Variants in MAP4K4 observed in about 807,000 individuals in gnomAD.
The protein encoded by MAP4K4 is HPK/GCK-like kinase HGK.
In MAP4K4, 38 loss-of-function variants were observed where a neutral mutation model predicts 189.6. The observed-to-expected ratio is 0.20, with a 90% confidence interval of 0.15 to 0.26. The LOEUF (loss-of-function observed/expected upper bound fraction) is 0.26, where lower values mean the gene tolerates loss of function less well. Ranked by LOEUF, MAP4K4 falls within the 10% of genes least tolerant of loss-of-function variation. MAP4K4 has a pLI of 1.00. For synonymous variants in MAP4K4, 610 were observed against 624.3 expected, an observed-to-expected ratio of 0.98 and a Z score of 0.34; for missense variants, 1,054 against 1,726.9, an observed-to-expected ratio of 0.61 and a Z score of 6.91.
chr2:101,790,822 C>T, intron 3 of MAP4K4, 46 bp downstream of exon 3: 2 of 1,427,936 alleles, frequency 1.4e-6, no homozygotes, highest in South Asian at 2.4e-5. Flanking sequence ...AGATGGAAGA[C>T]AAAGATTCCC....
chr2:101,703,914 G>A (rs2040490633), intron 2 of MAP4K4, among the ~76,000 whole-genome samples: 1 of 151,958 alleles, frequency 6.6e-6, no homozygotes, highest in South Asian at 2.1e-4. Context: ...AGGAGGCTGA[G>A]GCAGAAGAAT....
intron 11 of MAP4K4, 53 bp downstream of exon 11, chr2:101,842,734 A>C: frequency 6.9e-7 from 1 of 1,443,342 alleles, no homozygotes; most frequent in Non-Finnish European, 9.5e-7. Flanking sequence ...ATTAAGTTTT[A>C]TGTTGTGCCA....
chr2:101,811,198 C>T (rs2095398670), intron 3 of MAP4K4, among the ~76,000 whole-genome samples: 1 of 151,412 alleles, frequency 6.6e-6, no homozygotes, highest in African/African-American at 2.4e-5. Flanking sequence ...ATGGTGAAAC[C>T]CGGTCTCTAC....
intron 19 of MAP4K4, 119 bp downstream of exon 19, chr2:101,866,698 C>T: frequency 3.1e-6 from 4 of 1,283,496 alleles, no homozygotes; most frequent in South Asian, 1.5e-5. Flanking sequence ...AATGTTTTAG[C>T]ATAGGTTGCT....
intron 3 of MAP4K4, among the ~76,000 whole-genome samples, chr2:101,808,405 G>A (rs1247358140): frequency 2.0e-5 from 3 of 152,162 alleles, no homozygotes; most frequent in African/African-American, 7.2e-5. Flanking sequence ...GTCGTGCTGG[G>A]TGGTGAATGT....
chr2:101,805,972 G>T (rs1447934192), intron 3 of MAP4K4, among the ~76,000 whole-genome samples: 3 of 152,064 alleles, frequency 2.0e-5, no homozygotes, highest in Non-Finnish European at 4.4e-5. Flanking sequence ...CCTTAAGATG[G>T]TGTAGGTTTG....
chr2:101,860,913 C>T, exon 16 of MAP4K4: 1 of 1,607,632 alleles, frequency 6.2e-7, no homozygotes, highest in Non-Finnish European at 8.5e-7. Flanking sequence ...CCAGTGCCTT[C>T]CCGATCAGAG....
chr2:101,834,214 C>T (rs1018031823), intron 7 of MAP4K4, among the ~76,000 whole-genome samples, 195 bp from the exon 8 acceptor site: 39 of 137,732 alleles, frequency 2.8e-4, no homozygotes, highest in African/African-American at 1.0e-3. Flanking sequence ...CCCTCCATCC[C>T]TCCATCCCTC....
In MAP4K4 at chr2:101,698,968, A is replaced by G. The variant is rs571734190; in HGVS notation, c.123+430A>G. ...AAATTGTCATCATGTTTCAGCCTCC[A>G]CTCAGTGCTTGCCAGTTGCTCAAGG... On this transcript the variant is annotated intron_variant, in intron 2 of 32. Coordinates refer to ENST00000324219, the Ensembl canonical transcript of MAP4K4. 3.2e-4 allele frequency among the ~76,000 whole-genome samples: 49 copies of G among 152,178 alleles called. 1 individual carries two copies. The South Asian group carries it at 8.1e-3, about 25-fold the overall frequency.
At chr2:101,892,995 CT>C in exon 33 of MAP4K4, 1 of 456,368 alleles carries the variant, frequency 2.2e-6, no homozygotes, top group South Asian at 1.5e-5. Context: ...TAGGCTTGAT[CT>C]TTTTCCTTTG....
chr2:101,870,664 G>A (rs79904278), intron 23 of MAP4K4: 6,205 of 458,466 alleles, frequency 0.014, 73 homozygotes, highest in South Asian at 0.018. Flanking sequence ...TTCAAGCACC[G>A]CGCTGAGTCT....
intron 3 of MAP4K4, among the ~76,000 whole-genome samples, chr2:101,801,210 A>G (rs2094338739): frequency 6.6e-6 from 1 of 152,128 alleles, no homozygotes; most frequent in African/African-American, 2.4e-5. Flanking sequence ...CTGTAAATGT[A>G]TAGAAAAGAA....
chr2:101,733,079 A>G (rs536332428), intron 2 of MAP4K4, among the ~76,000 whole-genome samples: 3 of 152,230 alleles, frequency 2.0e-5, no homozygotes, highest in Non-Finnish European at 2.9e-5. Context: ...ATTGGAAGCA[A>G]TGACCTACCT....
intron 2 of MAP4K4, among the ~76,000 whole-genome samples, chr2:101,783,567 G>A (rs991551697): frequency 6.6e-6 from 1 of 152,204 alleles, no homozygotes. Context: ...GAGCCTGGAA[G>A]TCTGCATGTC....
chr2:101,884,719 G>A (rs2098457064), intron 28 of MAP4K4, among the ~76,000 whole-genome samples: 1 of 151,230 alleles, frequency 6.6e-6, no homozygotes, highest in Non-Finnish European at 1.5e-5. Context: ...ACTTCTGTTG[G>A]TAGAATTCAG....
chr2:101,721,616 A>G (rs968705789), intron 2 of MAP4K4, among the ~76,000 whole-genome samples: 5 of 151,904 alleles, frequency 3.3e-5, no homozygotes, highest in African/African-American at 1.2e-4. Context: ...TTGTATTTTT[A>G]GTAGAGACAG....
chr2:101,894,502 T>C (rs1257696324), exon 33 of MAP4K4: 12 of 152,822 alleles, frequency 7.9e-5, no homozygotes, highest in Admixed American at 7.9e-4. Context: ...TTTTGCCAAT[T>C]ATTAATTTGC....
chr2:101,816,303 G>T lies in MAP4K4; in HGVS notation c.181-7625G>T, dbSNP rs1489607363. Among the ~76,000 whole-genome samples, 4 of 152,034 alleles carry T rather than the reference G, an allele frequency of 2.6e-5. No homozygotes were observed. In the South Asian group the frequency reaches 8.3e-4, roughly 32 times the overall value. On this transcript the variant is annotated intron_variant, in intron 3 of 32. Transcript: ENST00000324219. ...AAAGTTCCCTTCATTCTTTTTTATT[G>T]AAGACACATTTTGTCAAATATGTAA...
intron 2 of MAP4K4, among the ~76,000 whole-genome samples, chr2:101,707,236 A>G (rs1380225113): frequency 2.1e-5 from 3 of 142,568 alleles, no homozygotes; most frequent in African/African-American, 5.3e-5. Context: ...TTTTTGAGAC[A>G]GTCTCACTGT....
Sources: allele counts gnomAD v4.1 joint callset (sites outside exome capture counted in the v4.1 genomes callset), GRCh38; gene constraint gnomAD v4.1.1; transcripts MANE v1.5; gene names NCBI Gene and HGNC (gene_info 2026-07-23, HGNC 2026-07-21).